Variants in CDH19 observed in about 807,000 individuals in gnomAD.
CDH19 encodes the protein cadherin 19.
Under a neutral mutation model 64.2 loss-of-function variants are expected in CDH19, and 67 were observed. That is an observed-to-expected ratio of 1.04 (90% CI 0.86 to 1.28). CDH19 has a LOEUF of 1.28. Ranked by LOEUF, CDH19 falls within the 50% of genes most tolerant of loss-of-function variation. The pLI is 0.00. For synonymous variants in CDH19, 346 were observed against 319.3 expected, an observed-to-expected ratio of 1.08 and a Z score of -0.89; for missense variants, 1,030 against 929.0, an observed-to-expected ratio of 1.11 and a Z score of -1.41.
At chr18:66,514,466 G>A (rs1328235916) in intron 9 of CDH19, among the ~76,000 whole-genome samples, 1 of 151,364 alleles carries the variant, frequency 6.6e-6, no homozygotes, top group Non-Finnish European at 1.5e-5. Flanking sequence ...CAGCCAATGA[G>A]CTAATACTCA....
Position 66,531,629 on chromosome 18 carries a change from A to G in CDH19, c.1337-1663T>C, listed in dbSNP as rs558574289. The stretch of plus-strand genomic sequence containing the variant: ...AAACCCTGACTCAGATAAAAGAGTC[A>G]ATGTAACACATTTTTATTGTGAGCT... On this transcript the variant is annotated intron_variant, in intron 8 of 11. Coordinates refer to ENST00000262150, the MANE Select transcript of CDH19 (RefSeq NM_021153.4). Among the ~76,000 whole-genome samples the G allele has an allele frequency of 1.5e-4, 23 of 152,238 alleles. No individual in the cohort carries two copies. In the South Asian group the frequency reaches 4.6e-3, roughly 30 times the overall value.
At chr18:66,593,831 G>C (rs1384545174) in intron 1 of CDH19, among the ~76,000 whole-genome samples, 1 of 152,058 alleles carries the variant, frequency 6.6e-6, no homozygotes, top group Non-Finnish European at 1.5e-5. Context: ...GGTAACTGGA[G>C]GTTAAGAATG....
chr18:66,529,321 A>G (rs1396002651), intron 9 of CDH19, among the ~76,000 whole-genome samples: 1 of 151,226 alleles, frequency 6.6e-6, no homozygotes, highest in Non-Finnish European at 1.5e-5. Context: ...CTTTACCTGC[A>G]TGATGAATAA....
At chr18:66,572,567 T>C (rs2144582848) in intron 1 of CDH19, among the ~76,000 whole-genome samples, 1 of 151,894 alleles carries the variant, frequency 6.6e-6, no homozygotes, top group African/African-American at 2.4e-5. Context: ...AGTTGAAAGA[T>C]TGCTCTGGGA....
chr18:66,598,702 G>A (rs780252745), intron 1 of CDH19, among the ~76,000 whole-genome samples: 4 of 151,988 alleles, frequency 2.6e-5, no homozygotes, highest in Non-Finnish European at 5.9e-5. Flanking sequence ...TGAGGAGAGG[G>A]CGAGAATCAA....
chr18:66,514,913 C>T (rs1045031175), intron 9 of CDH19, among the ~76,000 whole-genome samples: 2 of 151,564 alleles, frequency 1.3e-5, no homozygotes, highest in Middle Eastern at 3.2e-3. Context: ...ATATTTGGAG[C>T]AAGCAATACA....
chr18:66,547,657 T>A (rs1568191340), intron 5 of CDH19, among the ~76,000 whole-genome samples: 2 of 143,218 alleles, frequency 1.4e-5, no homozygotes, highest in Non-Finnish European at 1.5e-5. Context: ...TAAGTGTGTG[T>A]TAGGTTTTTT....
intron 2 of CDH19, among the ~76,000 whole-genome samples, chr18:66,569,761 A>T (rs555610214): frequency 5.1e-4 from 78 of 151,794 alleles, no homozygotes; most frequent in African/African-American, 1.8e-3. Flanking sequence ...GTGAATCCAC[A>T]TTTTCTTGAT....
intron 1 of CDH19, among the ~76,000 whole-genome samples, chr18:66,575,706 A>G (rs1988246182): frequency 6.6e-6 from 1 of 151,868 alleles, no homozygotes; most frequent in Non-Finnish European, 1.5e-5. Flanking sequence ...TACATGATTA[A>G]ATGAGTCCTT....
intron 11 of CDH19, among the ~76,000 whole-genome samples, chr18:66,508,393 T>C (rs1286521806): frequency 7.0e-6 from 1 of 143,488 alleles, no homozygotes; most frequent in Non-Finnish European, 1.5e-5. Context: ...TAGATTTTAC[T>C]GCGCTGTTTT....
rs543364712 is a variant in CDH19 at position 66,541,999 on chromosome 18, T to C, written c.1214+1972A>G. On this transcript the variant is annotated intron_variant, in intron 7 of 11. Coordinates refer to ENST00000262150, the MANE Select transcript of CDH19 (RefSeq NM_021153.4). ...TATTACCTATGCATCACAAGCATCATGAATTATAATTTACTCACTTGTACT... is the reference window on the plus strand; with the variant it reads ...TATTACCTATGCATCACAAGCATCACGAATTATAATTTACTCACTTGTACT... Among the ~76,000 whole-genome samples, 220 of 152,276 alleles carry C rather than the reference T, an allele frequency of 1.4e-3. 2 individuals are homozygous for C. The highest frequency in any genetic ancestry group is 2.9e-3 in the Admixed American group (44 of 15,298).
At chr18:66,543,172 C>A (rs532309483) in intron 7 of CDH19, among the ~76,000 whole-genome samples, 1 of 152,026 alleles carries the variant, frequency 6.6e-6, no homozygotes, top group African/African-American at 2.4e-5. Context: ...ACTACAGGTG[C>A]CCGCCGCCAC....
chr18:66,551,273 T>C lies in CDH19; in HGVS notation c.611-15A>G. 4 of 1,222,748 alleles carry C rather than the reference T, an allele frequency of 3.3e-6. No homozygotes were observed. The highest frequency in any genetic ancestry group is 4.8e-6 in the Non-Finnish European group (4 of 834,412). The allele number at this position is 1,222,748 out of a possible 1,614,324, so 75.7% of individuals were successfully genotyped here. A position where few individuals can be genotyped will look rare whatever the true frequency, so the allele number is the denominator to read the frequency against. ...TCTTATGACTCCTTTAAAAATATAA[T>C]AAAATTCCAATTATTTCATTATTAA... On this transcript the variant is annotated splice_polypyrimidine_tract_variant and intron_variant, in intron 4 of 11. Transcript: ENST00000262150.
chr18:66,510,321 G>A (rs1985412059), intron 10 of CDH19, among the ~76,000 whole-genome samples: 2 of 151,080 alleles, frequency 1.3e-5, no homozygotes, highest in African/African-American at 4.8e-5. Flanking sequence ...TTTTAAATAT[G>A]CGTTTTATTA....
At chr18:66,590,065 G>C (rs1262103974) in intron 1 of CDH19, among the ~76,000 whole-genome samples, 1 of 151,834 alleles carries the variant, frequency 6.6e-6, no homozygotes, top group Non-Finnish European at 1.5e-5. Context: ...GACAAATAAG[G>C]GTTAGTTTGA....
At chr18:66,510,628 T>C (rs971301888) in intron 10 of CDH19, among the ~76,000 whole-genome samples, 16 of 138,256 alleles carry the variant, frequency 1.2e-4, no homozygotes, top group African/African-American at 4.2e-4. Flanking sequence ...ATAATAATAA[T>C]ACATGTACCC....
At chr18:66,582,247 A>T (rs1426481294) in intron 1 of CDH19, among the ~76,000 whole-genome samples, 3 of 152,096 alleles carry the variant, frequency 2.0e-5, no homozygotes. Flanking sequence ...AGTAAAAAAA[A>T]TAAGTCAGAA....
intron 2 of CDH19, among the ~76,000 whole-genome samples, chr18:66,571,194 A>G (rs1379341564): frequency 6.6e-6 from 1 of 151,636 alleles, no homozygotes; most frequent in Admixed American, 6.6e-5. Flanking sequence ...ATGTACTCAT[A>G]TACATTTGGC....
chr18:66,510,636 C>T (rs981743512), intron 10 of CDH19, among the ~76,000 whole-genome samples: 2 of 147,838 alleles, frequency 1.4e-5, no homozygotes, highest in Admixed American at 6.8e-5. Context: ...AATACATGTA[C>T]CCCCTGAATC....
Sources: gnomAD v4.1 joint callset for allele counts (sites outside exome capture counted in the v4.1 genomes callset) on GRCh38, gnomAD v4.1.1 for gene constraint, MANE v1.5 for transcripts, NCBI Gene and HGNC (gene_info 2026-07-23, HGNC 2026-07-21) for gene names.